AS3MT: variants seen among roughly 807,000 people sequenced by gnomAD.
AS3MT encodes the protein arsenite methyltransferase.
A neutral mutation model predicts 45.3 loss-of-function variants in AS3MT; 47 were observed. That is an observed-to-expected ratio of 1.04 (90% CI 0.82 to 1.32). The LOEUF (loss-of-function observed/expected upper bound fraction) is 1.32. Ranked by LOEUF, AS3MT falls within the 40% of genes most tolerant of loss-of-function variation. The pLI is 0.00. For missense variants in AS3MT, 396 were observed against 451.1 expected (o/e 0.88, Z 1.11); for synonymous variants, 141 against 152.8 (o/e 0.92, Z 0.57).
At chr10:102,894,315 T>C (rs961936794) in intron 10 of AS3MT, among the ~76,000 whole-genome samples, 1 of 151,568 alleles carries the variant, frequency 6.6e-6, no homozygotes, top group Non-Finnish European at 1.5e-5. Flanking sequence ...CCCAGCTACT[T>C]GGGAGGCTGA....
intron 10 of AS3MT, among the ~76,000 whole-genome samples, chr10:102,896,332 C>CAA (rs899491110): frequency 0.15 from 9,514 of 63,158 alleles, 596 homozygotes; most frequent in East Asian, 0.35. Flanking sequence ...GACCCTGCCT[C>CAA]AAAAAAAAAA....
chr10:102,885,253 G>A (rs1844929909), intron 9 of AS3MT, among the ~76,000 whole-genome samples: 1 of 151,932 alleles, frequency 6.6e-6, no homozygotes, highest in African/African-American at 2.4e-5. Flanking sequence ...TTTGAGGTTG[G>A]CTTATTTCTC....
chr10:102,876,720 A>G (rs759093219), intron 6 of AS3MT, among the ~76,000 whole-genome samples: 20 of 152,130 alleles, frequency 1.3e-4, no homozygotes, highest in Non-Finnish European at 2.6e-4. Flanking sequence ...GGAGACAGAC[A>G]CTCTTAGAAT....
At chr10:102,890,478 G>A in intron 9 of AS3MT, 66 bp from the exon 10 acceptor site, 1 of 1,369,802 alleles carries the variant, frequency 7.3e-7, no homozygotes, top group Non-Finnish European at 1.0e-6. Flanking sequence ...GATACTTCTG[G>A]GCATTTTTTC....
Position 102,898,808 on chromosome 10 carries a change from A to G in AS3MT, c.1021-1785A>G, listed in dbSNP as rs1376881932. Reference sequence around the variant, plus strand: ...CTTCATTTGACAGATGGAGAGACTGAGGCTCTGAAAGATTCATTTACAAAT... The same window carrying G: ...CTTCATTTGACAGATGGAGAGACTGGGGCTCTGAAAGATTCATTTACAAAT... On this transcript the variant is annotated intron_variant, in intron 10 of 10. Coordinates refer to ENST00000369880, the MANE Select transcript of AS3MT (RefSeq NM_020682.4). Among the ~76,000 whole-genome samples, 7 of 152,178 alleles carry G rather than the reference A, an allele frequency of 4.6e-5. No individual in the cohort carries two copies. In the East Asian group the frequency reaches 1.3e-3, roughly 29 times the overall value.
chr10:102,883,049 AC>A (rs2134119371), intron 9 of AS3MT, among the ~76,000 whole-genome samples: 1 of 151,864 alleles, frequency 6.6e-6, no homozygotes, highest in East Asian at 1.9e-4. Context: ...GCTTTCAAAA[AC>A]CATTTTTAAT....
intron 9 of AS3MT, among the ~76,000 whole-genome samples, chr10:102,880,252 T>C (rs771868736): frequency 2.0e-5 from 3 of 152,224 alleles, no homozygotes; most frequent in Non-Finnish European, 4.4e-5. Flanking sequence ...GTTCAGGCTT[T>C]GGAATCAGAT....
intron 9 of AS3MT, among the ~76,000 whole-genome samples, chr10:102,889,862 G>C (rs2134126978): frequency 6.6e-6 from 1 of 151,940 alleles, no homozygotes; most frequent in East Asian, 1.9e-4. Context: ...ATTTTTAGTA[G>C]AGGCAGGGTT....
intron 5 of AS3MT, 91 bp downstream of exon 5, chr10:102,873,324 AG>A: frequency 9.4e-7 from 1 of 1,062,618 alleles, no homozygotes; most frequent in Non-Finnish European, 1.2e-6. Context: ...TCTGTCACCC[AG>A]GCCAGAGTGC....
intron 9 of AS3MT, among the ~76,000 whole-genome samples, chr10:102,883,731 G>GA (rs1355305599): frequency 1.3e-5 from 2 of 150,840 alleles, no homozygotes; most frequent in Non-Finnish European, 3.0e-5. Context: ...AACAAACAAA[G>GA]AAAAAACCCC....
chr10:102,871,069 C>A (rs377735062), intron 3 of AS3MT, among the ~76,000 whole-genome samples: 2 of 152,228 alleles, frequency 1.3e-5, no homozygotes, highest in South Asian at 2.1e-4. Flanking sequence ...CATAGTGAAA[C>A]CCTGTCTCTA....
chr10:102,880,199 A>G (rs1844851736), intron 9 of AS3MT, among the ~76,000 whole-genome samples: 1 of 152,204 alleles, frequency 6.6e-6, no homozygotes, highest in Non-Finnish European at 1.5e-5. Context: ...TGGCATTTTT[A>G]CTGCCCTGTG....
At chr10:102,883,993 T>G (rs1466408363) in intron 9 of AS3MT, among the ~76,000 whole-genome samples, 2 of 150,236 alleles carry the variant, frequency 1.3e-5, no homozygotes, top group Non-Finnish European at 3.0e-5. Flanking sequence ...TTTTTTTTTT[T>G]TTTGAGGCAG....
intron 10 of AS3MT, among the ~76,000 whole-genome samples, chr10:102,898,491 A>G (rs1246660731): frequency 6.6e-6 from 1 of 152,010 alleles, no homozygotes; most frequent in Non-Finnish European, 1.5e-5. Flanking sequence ...AGCTTTTTGG[A>G]AGACTGAGGC....
chr10:102,899,757 T>A (rs1352181342), intron 10 of AS3MT, among the ~76,000 whole-genome samples: 1 of 149,276 alleles, frequency 6.7e-6, no homozygotes, highest in African/African-American at 2.5e-5. Flanking sequence ...AACCTCCACC[T>A]CCTAGGTTCA....
intron 10 of AS3MT, among the ~76,000 whole-genome samples, chr10:102,893,569 C>T (rs1845112162): frequency 6.7e-6 from 1 of 150,108 alleles, no homozygotes; most frequent in Non-Finnish European, 1.5e-5. Context: ...GACCTCGGCT[C>T]ACTGCAACCT....
chr10:102,900,602 A>G lies in AS3MT; in HGVS notation c.1030A>G (p.Thr344Ala). 6.2e-7 allele frequency: 1 copy of G among 1,613,582 alleles called. No individual in the cohort carries two copies. The highest frequency in any genetic ancestry group is 8.5e-7 in the Non-Finnish European group (1 of 1,179,482). Reference protein sequence around the residue: ...CSALELKDIITDPFKLAEESD... With the variant: ...CSALELKDIIADPFKLAEESD... Reference sequence around the variant, plus strand: ...GTTTGCCTTTTGACAGGATATAATCACAGATCCATTTAAGCTTGCAGAAGA... The same window carrying G: ...GTTTGCCTTTTGACAGGATATAATCGCAGATCCATTTAAGCTTGCAGAAGA... Residue 344 changes from threonine to alanine, a missense_variant, in exon 11 of 11, where the codon ACA becomes GCA. Coordinates refer to ENST00000369880, the MANE Select transcript of AS3MT (RefSeq NM_020682.4).
intron 8 of AS3MT, 72 bp from the exon 9 acceptor site, chr10:102,878,777 C>T (rs750199269): frequency 3.2e-6 from 5 of 1,545,148 alleles, no homozygotes; most frequent in Non-Finnish European, 4.4e-6. Context: ...AACGTGTTTG[C>T]TCCTTGTCTG....
chr10:102,897,002 A>G (rs932869920), intron 10 of AS3MT, among the ~76,000 whole-genome samples: 1 of 152,212 alleles, frequency 6.6e-6, no homozygotes, highest in African/African-American at 2.4e-5. Context: ...GTTCATTGAT[A>G]AGGAAAGCTG....
Sources: allele counts gnomAD v4.1 joint callset (sites outside exome capture counted in the v4.1 genomes callset), GRCh38; gene constraint gnomAD v4.1.1; transcripts MANE v1.5; gene names NCBI Gene and HGNC (gene_info 2026-07-23, HGNC 2026-07-21).